The following COL23A1 variants were observed in gnomAD, a reference collection of about 807,000 sequenced individuals.
The protein encoded by COL23A1 is collagen type XXIII alpha 1 chain.
COL23A1 carries 97 observed loss-of-function variants against 99.3 expected under a neutral mutation model. That is an observed-to-expected ratio of 0.98 (90% CI 0.83 to 1.16). COL23A1 has a LOEUF of 1.16. Ranked by LOEUF, COL23A1 falls within the 50% of genes most tolerant of loss-of-function variation. The probability of loss-of-function intolerance (pLI) is 0.00; values close to 1 mark genes in which losing one functional copy is unlikely to be tolerated. For missense variants in COL23A1, 762 were observed against 757.4 expected (o/e 1.01, Z -0.07); for synonymous variants, 320 against 308.2 (o/e 1.04, Z -0.40).
chr5:178,562,736 T>TGGGGCGGGGGGGG (rs1762655260), intron 1 of COL23A1: 1 of 106,826 alleles, frequency 9.4e-6, no homozygotes, highest in Non-Finnish European at 1.8e-5. Context: ...TGGCTGGTGG[T>TGGGGCGGGGGGGG]GGGGGGGGTG....
chr5:178,478,451 T>C (rs1002422010), intron 2 of COL23A1, among the ~76,000 whole-genome samples: 4 of 152,212 alleles, frequency 2.6e-5, no homozygotes, highest in Admixed American at 6.5e-5. Flanking sequence ...TGTCACTTCT[T>C]CATTGCCCAG....
intron 16 of COL23A1, among the ~76,000 whole-genome samples, chr5:178,254,110 G>A (rs1310062077): frequency 2.0e-5 from 3 of 151,850 alleles, no homozygotes; most frequent in Admixed American, 6.6e-5. Context: ...GTTGCAGTGA[G>A]CCGAGATCAC....
chr5:178,378,958 G>C (rs1763227244), intron 2 of COL23A1, among the ~76,000 whole-genome samples: 1 of 152,176 alleles, frequency 6.6e-6, no homozygotes, highest in South Asian at 2.1e-4. Context: ...AACTGGAGTA[G>C]TTTTCAGTTG....
chr5:178,377,122 C>A (rs377246047), intron 2 of COL23A1, among the ~76,000 whole-genome samples: 1 of 152,180 alleles, frequency 6.6e-6, no homozygotes, highest in African/African-American at 2.4e-5. Flanking sequence ...TGGGACTACG[C>A]GGGCCACGCA....
At chr5:178,478,015 T>A (rs1757124100) in intron 2 of COL23A1, among the ~76,000 whole-genome samples, 1 of 151,924 alleles carries the variant, frequency 6.6e-6, no homozygotes, top group South Asian at 2.1e-4. Context: ...GGTCCCAGGG[T>A]GTGGGAGGAG....
chr5:178,589,815 G>C lies in COL23A1; in HGVS notation c.294+89C>G, dbSNP rs555006688. ...GCCGGCGGGCGACCCTCCTCCCAGA[G>C]ACCTGCACGCTGCCCCCGGCTCCCA... On this transcript the variant is annotated intron_variant, in intron 1 of 28. Transcript: ENST00000390654. The surrounding 1 kb of genome is among the most constrained non-coding windows in gnomAD (Gnocchi z 5.4). 1 of 1,174,500 alleles carries C rather than the reference G, an allele frequency of 8.5e-7. No homozygotes were observed. Among genetic ancestry groups the C allele is most frequent in the Non-Finnish European group, 1.1e-6 (1 of 935,314 alleles). The allele number at this position is 1,174,500 out of a possible 1,614,324, so 72.8% of individuals were successfully genotyped here.
chr5:178,403,132 A>AAAT (rs1351511848), intron 2 of COL23A1, among the ~76,000 whole-genome samples: 2 of 119,246 alleles, frequency 1.7e-5, no homozygotes, highest in African/African-American at 6.6e-5. Context: ...ATAAATAAAT[A>AAAT]AAAAATAAAT....
chr5:178,357,759 TAC>T (rs1275776009), intron 2 of COL23A1, among the ~76,000 whole-genome samples: 10 of 145,306 alleles, frequency 6.9e-5, no homozygotes, highest in East Asian at 2.1e-4. Context: ...TGTGTGTGTG[TAC>T]GTGTATGTAT....
At position 178,288,624 on chromosome 5, in the gene COL23A1, T is replaced by C. The variant is rs896431925; in HGVS notation, c.415-274A>G. 6.9e-6 allele frequency: 4 copies of C among 576,248 alleles called. No individual in the cohort carries two copies. In the African/African-American group the frequency reaches 7.5e-5, roughly 11 times the overall value. The allele number at this position is 576,248 out of a possible 1,614,324, so 35.7% of individuals were successfully genotyped here. On this transcript the variant is annotated intron_variant, in intron 4 of 28. Coordinates refer to ENST00000390654, the MANE Select transcript of COL23A1 (RefSeq NM_173465.4). ...GTGCCCTCCCCACGCTGGCCAGGCATAGGGTAAATGCCACGTGGGGACGTG... is the reference window on the plus strand; with the variant it reads ...GTGCCCTCCCCACGCTGGCCAGGCACAGGGTAAATGCCACGTGGGGACGTG...
intron 1 of COL23A1, among the ~76,000 whole-genome samples, chr5:178,587,918 G>A (rs933927940): frequency 3.0e-4 from 45 of 152,280 alleles, no homozygotes; most frequent in Admixed American, 2.6e-3. Flanking sequence ...CAAACAACCA[G>A]AAGTTCAGCC....
chr5:178,547,639 C>T (rs1581611570), intron 2 of COL23A1, among the ~76,000 whole-genome samples: 1 of 16,210 alleles, frequency 6.2e-5, no homozygotes, highest in Non-Finnish European at 1.2e-4. Flanking sequence ...CACACCCCCC[C>T]ACACACACAC....
chr5:178,324,664 G>A (rs1169997471), intron 2 of COL23A1, among the ~76,000 whole-genome samples: 3 of 152,222 alleles, frequency 2.0e-5, no homozygotes, highest in African/African-American at 7.2e-5. Flanking sequence ...CAAGGCTGGG[G>A]TTCCGCCCCA....
chr5:178,585,744 G>GGGGGTA (rs1454677345), intron 1 of COL23A1, among the ~76,000 whole-genome samples: 8 of 151,970 alleles, frequency 5.3e-5, no homozygotes, highest in Non-Finnish European at 8.8e-5. Flanking sequence ...AGCCCTGGCT[G>GGGGGTA]ACCCTGTTGG....
At chr5:178,358,302 A>ATG (rs1554145378) in intron 2 of COL23A1, among the ~76,000 whole-genome samples, 1 of 128,524 alleles carries the variant, frequency 7.8e-6, no homozygotes, top group Non-Finnish European at 1.6e-5. Flanking sequence ...ATATGTATGT[A>ATG]TGTATGTGTG....
chr5:178,380,310 C>T (rs747542895), intron 2 of COL23A1, among the ~76,000 whole-genome samples: 1 of 152,148 alleles, frequency 6.6e-6, no homozygotes, highest in Non-Finnish European at 1.5e-5. Flanking sequence ...CAATGTGGCA[C>T]ACCAAGGCGG....
chr5:178,460,928 T>TG lies in COL23A1; in HGVS notation c.361+99753dup, dbSNP rs371093181. On this transcript the variant is annotated intron_variant, in intron 2 of 28. Coordinates refer to ENST00000390654, the MANE Select transcript of COL23A1 (RefSeq NM_173465.4). ...CCCCTATTCTATAACATTCAAGTTG[T>TG]GGGGGTCTCAGCTCATGCCCCCATT... Among the ~76,000 whole-genome samples the TG allele has an allele frequency of 4.3e-3, 656 of 152,306 alleles. 3 individuals carry two copies. Among genetic ancestry groups the TG allele is most frequent in the African/African-American group, 0.015 (608 of 41,556 alleles).
intron 1 of COL23A1, 118 bp from the exon 2 acceptor site, chr5:178,560,866 GCTGT>G (rs1762527136): frequency 1.1e-6 from 1 of 944,036 alleles, no homozygotes; most frequent in African/African-American, 1.7e-5. Flanking sequence ...CAGTGCTGGG[GCTGT>G]CTGTGAGACC....
chr5:178,352,023 A>C (rs1023133115), intron 2 of COL23A1: 4 of 152,246 alleles, frequency 2.6e-5, no homozygotes, highest in Admixed American at 2.6e-4. Context: ...CTTCGAGAAA[A>C]TAACTTTCTG....
In COL23A1 at chr5:178,287,060, A is replaced by G. The variant is rs1215684763; in HGVS notation, c.441+1264T>C. 2.6e-5 allele frequency among the ~76,000 whole-genome samples: 4 copies of G among 152,368 alleles called. No homozygotes were observed. In the East Asian group the frequency reaches 7.7e-4, roughly 29 times the overall value. ...AGATGCGGGGCTGAACTTTCCAGCG[A>G]AAGCCTGTGCTTCCCCAAGATGCTG... On this transcript the variant is annotated intron_variant, in intron 5 of 28. Coordinates refer to ENST00000390654, the MANE Select transcript of COL23A1 (RefSeq NM_173465.4).
Sources: gnomAD v4.1 joint callset for allele counts (sites outside exome capture counted in the v4.1 genomes callset) on GRCh38, gnomAD v4.1.1 for gene constraint, Gnocchi (gnomAD v3.1) non-coding constraint, MANE v1.5 for transcripts, NCBI Gene and HGNC (gene_info 2026-07-23, HGNC 2026-07-21) for gene names.